Variants in PLEKHD1 observed in about 807,000 individuals in gnomAD.
The protein encoded by PLEKHD1 is pleckstrin homology and coiled-coil domain containing D1, also known as pleckstrin homology domain-containing family D member 1.
In PLEKHD1, 51 loss-of-function variants were observed where a neutral mutation model predicts 69.2. The observed-to-expected ratio is 0.74, with a 90% CI of 0.59 to 0.93. The LOEUF is 0.93. Among genes scored for constraint, PLEKHD1 ranks in the 40% least tolerant of loss-of-function variants. The pLI is 0.00. For synonymous variants in PLEKHD1, 236 were observed against 244.7 expected (o/e 0.96, Z 0.33); for missense variants, 584 against 641.0 (o/e 0.91, Z 0.96).
At chr14:69,516,378 C>CT (rs1883384724) in intron 6 of PLEKHD1, among the ~76,000 whole-genome samples, 1 of 151,998 alleles carries the variant, frequency 6.6e-6, no homozygotes, top group Non-Finnish European at 1.5e-5. Flanking sequence ...CTTTTTTTCT[C>CT]TATATACTAT....
intron 1 of PLEKHD1, among the ~76,000 whole-genome samples, chr14:69,498,066 ATTTTATTTTAT>A (rs1566557054): frequency 3.7e-4 from 50 of 134,008 alleles, no homozygotes; most frequent in South Asian, 6.8e-4. Flanking sequence ...TATTTATTTT[ATTTTATTTTAT>A]TTTATTTTAT....
the PLEKHD1 span, among the ~76,000 whole-genome samples, chr14:69,469,982 A>C: frequency 6.6e-6 from 1 of 151,624 alleles, no homozygotes; most frequent in Admixed American, 6.6e-5. Flanking sequence ...TAGGCCTCCC[A>C]AAGTGCTGGG....
chr14:69,489,183 C>G (rs1403037751), intron 1 of PLEKHD1, among the ~76,000 whole-genome samples: 1 of 152,170 alleles, frequency 6.6e-6, no homozygotes, highest in African/African-American at 2.4e-5. Flanking sequence ...GGTCAGACCT[C>G]CAGCTTGCAG....
At chr14:69,517,480 T>C (rs1230629700) in intron 6 of PLEKHD1, among the ~76,000 whole-genome samples, 4 of 150,440 alleles carry the variant, frequency 2.7e-5, no homozygotes. Context: ...GGTGGGGGAG[T>C]AGGAGTGGTC....
At chr14:69,501,596 A>C in intron 4 of PLEKHD1, 138 bp from the exon 5 acceptor site, 1 of 627,968 alleles carries the variant, frequency 1.6e-6, no homozygotes, top group Non-Finnish European at 2.7e-6. Context: ...GCCAGAGTGA[A>C]TGCAAGTTGA....
chr14:69,507,385 T>C (rs1290735784), intron 6 of PLEKHD1, among the ~76,000 whole-genome samples: 4 of 152,234 alleles, frequency 2.6e-5, no homozygotes, highest in Non-Finnish European at 5.9e-5. Context: ...CCGCATGTCC[T>C]ACAGTTTGTT....
intron 1 of PLEKHD1, 82 bp downstream of exon 1, chr14:69,485,196 G>C: frequency 7.0e-7 from 1 of 1,437,470 alleles, no homozygotes; most frequent in Non-Finnish European, 9.4e-7. Context: ...TCCAGTCGCC[G>C]TCGTGCCTCT....
Position 69,484,940 on chromosome 14 carries a change from G to T in PLEKHD1, c.-26G>T. The T allele has an allele frequency of 6.5e-7, 1 of 1,547,040 alleles. No homozygotes were observed. Reference sequence around the variant, plus strand: ...CTGACCCCGGGGAGGTGGGGTCCGGGCCGGGCACAGCCCCGCTGAGGCAGG... The same window carrying T: ...CTGACCCCGGGGAGGTGGGGTCCGGTCCGGGCACAGCCCCGCTGAGGCAGG... On this transcript the variant is annotated 5_prime_UTR_variant, in exon 1 of 13. Coordinates refer to ENST00000322564, the MANE Select transcript of PLEKHD1 (RefSeq NM_001161498.2).
chr14:69,485,179 C>A, intron 1 of PLEKHD1, 65 bp downstream of exon 1: 1 of 1,495,592 alleles, frequency 6.7e-7, no homozygotes, highest in South Asian at 1.2e-5. Flanking sequence ...TTACCCCTCC[C>A]ACCCCCTCCA....
chr14:69,510,537 A>AT (rs942771120), intron 6 of PLEKHD1, among the ~76,000 whole-genome samples: 1 of 152,194 alleles, frequency 6.6e-6, no homozygotes, highest in Non-Finnish European at 1.5e-5. Flanking sequence ...AGAAAAAAAA[A>AT]ATCTCAAATT....
chr14:69,511,359 C>T (rs571063746), intron 6 of PLEKHD1, among the ~76,000 whole-genome samples: 9 of 152,052 alleles, frequency 5.9e-5, no homozygotes, highest in Non-Finnish European at 8.8e-5. Flanking sequence ...AGTTTCATCA[C>T]GTTGGTCAGG....
At chr14:69,507,142 G>C (rs1312898666) in intron 6 of PLEKHD1, among the ~76,000 whole-genome samples, 1 of 151,830 alleles carries the variant, frequency 6.6e-6, no homozygotes, top group South Asian at 2.1e-4. Flanking sequence ...CCCCCTCCTC[G>C]GCCTCCCAAA....
chr14:69,485,947 G>A (rs1306692116), intron 1 of PLEKHD1, among the ~76,000 whole-genome samples: 4 of 152,232 alleles, frequency 2.6e-5, no homozygotes, highest in African/African-American at 9.6e-5. Flanking sequence ...GGGAGGTATT[G>A]AGGGAAGAGG....
intron 4 of PLEKHD1, chr14:69,501,339 T>C (rs897816362): frequency 1.2e-5 from 4 of 343,532 alleles, no homozygotes; most frequent in African/African-American, 8.3e-5. Context: ...TGTAAACCAC[T>C]GTCCTGACAC....
At position 69,528,515 on chromosome 14, in the gene PLEKHD1, C is replaced by T. The variant is rs958398325; in HGVS notation, c.*96C>T. 2.8e-6 allele frequency: 4 copies of T among 1,421,348 alleles called. No homozygotes were observed. The highest frequency in any genetic ancestry group is 1.4e-5 in the African/African-American group (1 of 70,254). The allele number at this position is 1,421,348 out of a possible 1,614,324, so 88.0% of individuals were successfully genotyped here. A position where few individuals can be genotyped will look rare whatever the true frequency, so the allele number is the denominator to read the frequency against. ...GCCTCACTCTACCAGCTCCTGGCCT[C>T]TCTGGTCTGGAGCCTATGTCTCCTC... On this transcript the variant is annotated 3_prime_UTR_variant, in exon 13 of 13. Coordinates refer to ENST00000322564, the MANE Select transcript of PLEKHD1 (RefSeq NM_001161498.2).
Position 69,500,534 on chromosome 14 carries a change from C to T in PLEKHD1, c.244-43C>T, listed in dbSNP as rs994816450. 4.7e-6 allele frequency: 7 copies of T among 1,500,546 alleles called. No individual in the cohort carries two copies. The African/African-American group carries it at 7.0e-5, about 15-fold the overall frequency. 93.0% of individuals were successfully genotyped at this position (1,500,546 alleles called of 1,614,324 possible). On this transcript the variant is annotated intron_variant, in intron 2 of 12. Transcript: ENST00000322564. Reference sequence around the variant, plus strand: ...GGCCCCCAGAACCCCTGAGTGACCCCAGTTGGGTGGGGTGGGGGCTGCCTG... The same window carrying T: ...GGCCCCCAGAACCCCTGAGTGACCCTAGTTGGGTGGGGTGGGGGCTGCCTG...
chr14:69,503,183 G>T (rs1402656748), intron 6 of PLEKHD1: 6 of 410,870 alleles, frequency 1.5e-5, no homozygotes, highest in Non-Finnish European at 4.6e-6. Context: ...GCTTGTCAAT[G>T]ATGTTCACGG....
At chr14:69,478,742 A>G in the PLEKHD1 span, among the ~76,000 whole-genome samples, 10 of 152,092 alleles carry the variant, frequency 6.6e-5, no homozygotes, top group African/African-American at 2.2e-4. Flanking sequence ...TATTGTTCAT[A>G]TCACTATCAG....
chr14:69,476,994 TTTTATTTATTTATTTATTTA>T, the PLEKHD1 span, among the ~76,000 whole-genome samples: 7 of 149,358 alleles, frequency 4.7e-5, no homozygotes, highest in Non-Finnish European at 8.9e-5. Flanking sequence ...CTCCCCTTTA[TTTTATTTATTTATTTATTTA>T]TTTATTTATT....
Sources: gnomAD v4.1 joint callset for allele counts (sites outside exome capture counted in the v4.1 genomes callset) on GRCh38, gnomAD v4.1.1 for gene constraint, MANE v1.5 for transcripts, NCBI Gene and HGNC (gene_info 2026-07-23, HGNC 2026-07-21) for gene names.